Variants in NAV3 observed in about 807,000 individuals in gnomAD.
The protein encoded by NAV3 is pore membrane and/or filament interacting like protein 1.
A neutral mutation model predicts 244.7 loss-of-function variants in NAV3; 87 were observed. That is an observed-to-expected ratio of 0.36 (90% CI 0.30 to 0.42). The LOEUF (loss-of-function observed/expected upper bound fraction) is 0.42, where lower values mean the gene tolerates loss of function less well. NAV3 is among the 20% of genes least tolerant of loss of function. The pLI is 1.00. For synonymous variants in NAV3, 1,126 were observed against 1,042.2 expected (o/e 1.08, Z -1.55); for missense variants, 2,663 against 2,893.3 (o/e 0.92, Z 1.83).
intron 31 of NAV3, among the ~76,000 whole-genome samples, chr12:78,186,571 A>G (rs1240508949): frequency 2.0e-5 from 3 of 151,934 alleles, no homozygotes; most frequent in Non-Finnish European, 2.9e-5. Flanking sequence ...TTGATTTAAA[A>G]GCAGCTTTTT....
At chr12:77,850,880 TG>T (rs1316099936) in intron 1 of NAV3, among the ~76,000 whole-genome samples, 1 of 152,152 alleles carries the variant, frequency 6.6e-6, no homozygotes, top group African/African-American at 2.4e-5. Flanking sequence ...CTGTGAGACT[TG>T]GGCTATGTGG....
chr12:77,782,478 T>C (rs1870713972), intron 2 of NAV3, among the ~76,000 whole-genome samples: 2 of 152,136 alleles, frequency 1.3e-5, no homozygotes, highest in African/African-American at 4.8e-5. Context: ...AAATTTAAAA[T>C]TAAAAACTTG....
At chr12:77,894,029 A>C (rs1884273988) in intron 1 of NAV3, among the ~76,000 whole-genome samples, 1 of 152,112 alleles carries the variant, frequency 6.6e-6, no homozygotes, top group Admixed American at 6.6e-5. Context: ...TTACTCCTTG[A>C]CCCTTACCTG....
intron 22 of NAV3, among the ~76,000 whole-genome samples, chr12:78,153,861 T>C (rs558319825): frequency 9.9e-5 from 15 of 151,992 alleles, no homozygotes; most frequent in African/African-American, 3.4e-4. Flanking sequence ...AGAAAACAAT[T>C]GGTGCATATT....
chr12:77,907,996 C>T (rs983998393), intron 1 of NAV3, among the ~76,000 whole-genome samples: 1 of 151,968 alleles, frequency 6.6e-6, no homozygotes, highest in Admixed American at 6.6e-5. Context: ...AAGTGATTGC[C>T]ACAGAATTTC....
At chr12:77,705,326 A>G (rs1054037772) in intron 2 of NAV3, among the ~76,000 whole-genome samples, 4 of 150,046 alleles carry the variant, frequency 2.7e-5, no homozygotes, top group African/African-American at 1.0e-4. Flanking sequence ...AGGCTGAGGC[A>G]CAAGAATCGC....
intron 5 of NAV3, among the ~76,000 whole-genome samples, chr12:77,972,021 A>T (rs1463499237): frequency 6.6e-6 from 1 of 152,186 alleles, no homozygotes; most frequent in Admixed American, 6.6e-5. Context: ...AGAAATTTGG[A>T]TTTAAAGGTT....
intron 2 of NAV3, among the ~76,000 whole-genome samples, chr12:77,728,290 G>C (rs769601163): frequency 2.6e-5 from 4 of 151,954 alleles, no homozygotes; most frequent in Non-Finnish European, 5.9e-5. Flanking sequence ...AAAGTGTTTT[G>C]AGTAATATAT....
intron 1 of NAV3, among the ~76,000 whole-genome samples, chr12:77,886,405 A>G (rs1350646819): frequency 6.6e-6 from 1 of 152,202 alleles, no homozygotes; most frequent in African/African-American, 2.4e-5. Context: ...CATGCTAAAC[A>G]GAATGTACAT....
chr12:77,659,701 G>A (rs2137030641), intron 2 of NAV3, among the ~76,000 whole-genome samples: 1 of 152,186 alleles, frequency 6.6e-6, no homozygotes, highest in African/African-American at 2.4e-5. Flanking sequence ...CAAAGACTTG[G>A]AACCAATCCA....
At chr12:78,105,499 A>G (rs1161456121) in intron 12 of NAV3, among the ~76,000 whole-genome samples, 1 of 152,076 alleles carries the variant, frequency 6.6e-6, no homozygotes, top group South Asian at 2.1e-4. Flanking sequence ...TTAATTATTA[A>G]TGAAGCTCAG....
intron 2 of NAV3, among the ~76,000 whole-genome samples, chr12:77,693,871 A>G (rs1252316327): frequency 6.6e-6 from 1 of 152,022 alleles, no homozygotes; most frequent in African/African-American, 2.4e-5. Context: ...AATGTTCTTC[A>G]TATACAAAGA....
Position 78,155,075 on chromosome 12 carries a change from T to C in NAV3, c.4786-4128T>C, listed in dbSNP as rs558736112. Among the ~76,000 whole-genome samples the C allele has an allele frequency of 7.2e-5, 11 of 152,198 alleles. No homozygotes were observed. The East Asian group carries it at 2.1e-3, about 29-fold the overall frequency. ...GGGCAGGATATGCAGGTTTGTTACA[T>C]GGGTCAACATATGCCATAGTGATTT... On this transcript the variant is annotated intron_variant, in intron 22 of 39. Coordinates refer to ENST00000397909, the MANE Select transcript of NAV3 (RefSeq NM_001024383.2).
intron 1 of NAV3, among the ~76,000 whole-genome samples, chr12:77,843,088 T>G (rs1875970396): frequency 6.6e-6 from 1 of 152,226 alleles, no homozygotes; most frequent in Admixed American, 6.5e-5. Context: ...TGTTATTATT[T>G]TGACTCATAT....
chr12:77,846,191 G>T (rs1267785210), intron 1 of NAV3, among the ~76,000 whole-genome samples: 1 of 152,124 alleles, frequency 6.6e-6, no homozygotes, highest in African/African-American at 2.4e-5. Context: ...TGTAATTTCA[G>T]ATCCTCCTCC....
At chr12:78,025,967 CT>C (rs1424834764) in intron 9 of NAV3, among the ~76,000 whole-genome samples, 9 of 152,122 alleles carry the variant, frequency 5.9e-5, no homozygotes, top group Admixed American at 2.6e-4. Flanking sequence ...CCAGATAATC[CT>C]TTATAGCGTC....
chr12:78,113,485 G>A (rs1055087978), intron 12 of NAV3, among the ~76,000 whole-genome samples: 22 of 152,210 alleles, frequency 1.4e-4, no homozygotes, highest in African/African-American at 5.3e-4. Context: ...CTCTGCAAAT[G>A]TAGGCTCAAC....
intron 1 of NAV3, among the ~76,000 whole-genome samples, chr12:77,904,261 T>G (rs1187249580): frequency 6.6e-6 from 1 of 152,140 alleles, no homozygotes; most frequent in Non-Finnish European, 1.5e-5. Context: ...CCAACAATGA[T>G]AGACTGGATT....
intron 16 of NAV3, among the ~76,000 whole-genome samples, chr12:78,123,632 C>T (rs542003544): frequency 1.9e-4 from 29 of 152,162 alleles, no homozygotes; most frequent in African/African-American, 5.8e-4. Flanking sequence ...TGGGGCTTCC[C>T]GATGATAAAG....
Sources: gnomAD v4.1 joint callset for allele counts (sites outside exome capture counted in the v4.1 genomes callset) on GRCh38, gnomAD v4.1.1 for gene constraint, MANE v1.5 for transcripts, NCBI Gene and HGNC (gene_info 2026-07-23, HGNC 2026-07-21) for gene names.